The following KANSL1L variants were observed in gnomAD, a reference collection of about 807,000 sequenced individuals.
KANSL1L encodes KAT8 regulatory NSL complex subunit 1 like.
In KANSL1L, 25 loss-of-function variants were observed where a neutral mutation model predicts 108.6. That is an observed-to-expected ratio of 0.23 (90% CI 0.17 to 0.32). KANSL1L has a LOEUF of 0.32. KANSL1L is among the 10% of genes least tolerant of loss of function. The pLI, the probability that KANSL1L is intolerant of heterozygous loss-of-function variation, is 1.00. For missense variants in KANSL1L, 1,137 were observed against 1,125.7 expected, an observed-to-expected ratio of 1.01 and a Z score of -0.14; for synonymous variants, 405 against 395.1, an observed-to-expected ratio of 1.03 and a Z score of -0.30.
intron 6 of KANSL1L, among the ~76,000 whole-genome samples, chr2:210,061,399 G>T (rs1366161683): frequency 6.6e-6 from 1 of 152,052 alleles, no homozygotes; most frequent in Non-Finnish European, 1.5e-5. Context: ...AATAGTATAG[G>T]GCCTAACGTT....
chr2:210,036,855 C>T (rs1287444429), intron 8 of KANSL1L, among the ~76,000 whole-genome samples: 6 of 152,124 alleles, frequency 3.9e-5, no homozygotes, highest in East Asian at 3.9e-4. Context: ...CTCCCAGGCT[C>T]GGATGATCCT....
chr2:210,142,190 A>G (rs983020138), intron 2 of KANSL1L, among the ~76,000 whole-genome samples: 3 of 151,562 alleles, frequency 2.0e-5, no homozygotes, highest in African/African-American at 7.3e-5. Flanking sequence ...TTTACTTGCT[A>G]TTGGTTAGTT....
intron 3 of KANSL1L, among the ~76,000 whole-genome samples, chr2:210,113,071 T>C (rs543814676): frequency 4.9e-4 from 75 of 152,326 alleles, no homozygotes; most frequent in African/African-American, 1.7e-3. Context: ...ATCTGTGTTC[T>C]GATCACTGAT....
In KANSL1L at chr2:210,073,176, T is replaced by C. The variant is rs116697932; in HGVS notation, c.1755+2376A>G. Among the ~76,000 whole-genome samples, 1,433 of 152,270 alleles carry C rather than the reference T, an allele frequency of 9.4e-3. 22 individuals carry two copies. Among genetic ancestry groups the C allele is most frequent in the African/African-American group, 0.03 (1,229 of 41,548 alleles). On this transcript the variant is annotated intron_variant, in intron 6 of 14. Transcript: ENST00000281772. ...ACACTTCCTTGCTTTCTGTTAACAT[T>C]ACGATGTTCCAGGATAATCATACCT...
chr2:210,142,423 T>C (rs937891525), intron 2 of KANSL1L, among the ~76,000 whole-genome samples: 2 of 152,084 alleles, frequency 1.3e-5, no homozygotes, highest in Admixed American at 1.3e-4. Context: ...TCAATTCTGC[T>C]TATCTTTTCA....
intron 14 of KANSL1L, among the ~76,000 whole-genome samples, chr2:210,023,398 A>G (rs1296790650): frequency 1.3e-5 from 2 of 152,226 alleles, no homozygotes; most frequent in Non-Finnish European, 2.9e-5. Context: ...GCCTCTGCCA[A>G]GAAGAGGAAA....
chr2:210,092,967 G>A (rs1182753963), intron 5 of KANSL1L, among the ~76,000 whole-genome samples: 1 of 151,914 alleles, frequency 6.6e-6, no homozygotes, highest in African/African-American at 2.4e-5. Context: ...TAGCCCCAAG[G>A]CAAATCTCCC....
intron 3 of KANSL1L, among the ~76,000 whole-genome samples, chr2:210,124,714 G>A (rs1164132552): frequency 6.6e-6 from 1 of 152,024 alleles, no homozygotes; most frequent in South Asian, 2.1e-4. Context: ...ACTAAAAGTG[G>A]ATTCTTTGAA....
chr2:210,044,198 C>A lies in KANSL1L; in HGVS notation c.1756-94G>T. ...TTAGGTTATCTTTAAATAAAATTTT[C>A]CAGTTCTACAAAAAGTTTTACAAAT... is the stretch of plus-strand genomic sequence containing the variant. On this transcript the variant is annotated intron_variant, in intron 6 of 14. Transcript: ENST00000281772. The surrounding 1 kb of genome is among the most constrained non-coding windows in gnomAD (Gnocchi z 4.2). 1.2e-6 allele frequency: 1 copy of A among 837,642 alleles called. No homozygotes were observed. Among genetic ancestry groups the A allele is most frequent in the Non-Finnish European group, 1.7e-6 (1 of 591,382 alleles). The allele number at this position is 837,642 out of a possible 1,614,324, so 51.9% of individuals were successfully genotyped here.
chr2:210,028,234 C>T (rs1019584753), intron 11 of KANSL1L, among the ~76,000 whole-genome samples: 2 of 152,104 alleles, frequency 1.3e-5, no homozygotes, highest in Admixed American at 1.3e-4. Flanking sequence ...CATTATCAAC[C>T]TGCACAAAAC....
intron 9 of KANSL1L, chr2:210,031,068 C>T (rs2094009344): frequency 5.5e-6 from 1 of 182,960 alleles, no homozygotes; most frequent in Non-Finnish European, 1.1e-5. Context: ...AACATCTCCA[C>T]AGTAGGTACC....
intron 5 of KANSL1L, among the ~76,000 whole-genome samples, chr2:210,095,860 TATG>T (rs751513343): frequency 5.3e-5 from 8 of 152,204 alleles, no homozygotes; most frequent in Middle Eastern, 3.4e-3. Context: ...TCAAGGAAAA[TATG>T]ATATTTTGAC....
intron 6 of KANSL1L, among the ~76,000 whole-genome samples, chr2:210,068,557 C>T (rs1169499562): frequency 6.6e-6 from 1 of 152,146 alleles, no homozygotes; most frequent in African/African-American, 2.4e-5. Context: ...GTGTTTTCTT[C>T]TAGAAGTTTA....
intron 12 of KANSL1L, among the ~76,000 whole-genome samples, chr2:210,026,875 A>G (rs1047769207): frequency 6.6e-6 from 1 of 152,034 alleles, no homozygotes. Context: ...GGTTCACGCT[A>G]TTCTCCTGCC....
At position 210,104,203 on chromosome 2, in the gene KANSL1L, A is replaced by G. The variant is rs201948858; in HGVS notation, c.1329T>C (p.Asn443=). The G allele has an allele frequency of 1.5e-4, 246 of 1,612,078 alleles. 1 individual carries two copies. The Middle Eastern group carries it at 2.0e-3, about 13-fold the overall frequency. The change falls in exon 4 of 15, where the codon AAT becomes AAC. Residue 443 remains asparagine, a synonymous_variant. Transcript: ENST00000281772. ...DQAASLNILG[N]PQVPQECQDP... ...CTTGACACTCCTGGGGAACCTGAGG[A>G]TTCCCTAGAATGTTTAGTGAAGCTG...
intron 12 of KANSL1L, 90 bp downstream of exon 12, chr2:210,027,206 T>C (rs1444315140): frequency 1.2e-6 from 1 of 835,274 alleles, no homozygotes; most frequent in Non-Finnish European, 2.1e-6. Flanking sequence ...TTAAAGGGCT[T>C]ATATATTCCT....
intron 3 of KANSL1L, among the ~76,000 whole-genome samples, chr2:210,120,545 G>A (rs2095006101): frequency 6.6e-6 from 1 of 152,102 alleles, no homozygotes; most frequent in African/African-American, 2.4e-5. Flanking sequence ...TAAAAATGCT[G>A]GAAGACAACC....
chr2:210,079,638 A>G (rs5021593), intron 5 of KANSL1L, among the ~76,000 whole-genome samples: 186 of 7,826 alleles, frequency 0.024, 18 homozygotes, highest in South Asian at 0.071. Flanking sequence ...ATATATATAT[A>G]TATATATATA....
intron 3 of KANSL1L, among the ~76,000 whole-genome samples, chr2:210,115,117 T>A (rs1399047129): frequency 6.6e-6 from 1 of 152,084 alleles, no homozygotes; most frequent in East Asian, 1.9e-4. Context: ...TAAGTGTAAA[T>A]GGATTAAACT....
Sources: allele counts gnomAD v4.1 joint callset (sites outside exome capture counted in the v4.1 genomes callset), GRCh38; gene constraint gnomAD v4.1.1; non-coding constraint Gnocchi (gnomAD v3.1); transcripts MANE v1.5; gene names NCBI Gene and HGNC (gene_info 2026-07-23, HGNC 2026-07-21).